EYA4: variants seen among roughly 807,000 people sequenced by gnomAD.
EYA4 encodes the protein EYA transcriptional coactivator and phosphatase 4, also known as protein phosphatase EYA4.
EYA4 carries 31 observed loss-of-function variants against 87.9 expected under a neutral mutation model. That is an observed-to-expected ratio of 0.35 (90% CI 0.27 to 0.48). EYA4 has a LOEUF of 0.48. Among genes scored for constraint, EYA4 ranks in the 20% least tolerant of loss-of-function variants. The probability of loss-of-function intolerance (pLI) is 0.99; values close to 1 mark genes in which losing one functional copy is unlikely to be tolerated. For missense variants in EYA4, 678 were observed against 761.4 expected, an observed-to-expected ratio of 0.89 and a Z score of 1.29; for synonymous variants, 263 against 270.6, an observed-to-expected ratio of 0.97 and a Z score of 0.28.
Position 133,530,723 on chromosome 6 carries a change from C to G in EYA4, c.*1918C>G. The G allele has an allele frequency of 4.1e-6, 4 of 985,818 alleles. No individual in the cohort carries two copies. Among genetic ancestry groups the G allele is most frequent in the Non-Finnish European group, 4.8e-6 (4 of 829,846 alleles). The allele number at this position is 985,818 out of a possible 1,614,324, so 61.1% of individuals were successfully genotyped here. On this transcript the variant is annotated 3_prime_UTR_variant, in exon 20 of 20. Coordinates refer to ENST00000355286, the MANE Select transcript of EYA4 (RefSeq NM_004100.5). ...AAGATATTGAGATCCCAATTTTGTA[C>G]AAGATTGTGATTTCATTATCTAAAC...
At chr6:133,426,985 C>T (rs187064259) in intron 3 of EYA4, among the ~76,000 whole-genome samples, 59 of 152,240 alleles carry the variant, frequency 3.9e-4, no homozygotes, top group Admixed American at 7.2e-4. Flanking sequence ...ATATTTTCCC[C>T]CCTACCCTAT....
chr6:133,244,590 A>G (rs1774253054), intron 1 of EYA4, among the ~76,000 whole-genome samples: 1 of 141,532 alleles, frequency 7.1e-6, no homozygotes, highest in Admixed American at 7.1e-5. Flanking sequence ...TCATTTTGCT[A>G]TAATTTATTT....
At chr6:133,497,407 G>T (rs1439781476) in intron 13 of EYA4, among the ~76,000 whole-genome samples, 1 of 152,006 alleles carries the variant, frequency 6.6e-6, no homozygotes, top group African/African-American at 2.4e-5. Flanking sequence ...TTCCTAATGG[G>T]TTATCACTTT....
At chr6:133,504,005 C>T (rs1798372173) in intron 13 of EYA4, among the ~76,000 whole-genome samples, 1 of 152,130 alleles carries the variant, frequency 6.6e-6, no homozygotes, top group Non-Finnish European at 1.5e-5. Context: ...GCAACCTCCA[C>T]CTCCAAGGTT....
chr6:133,260,379 A>G (rs980021556), intron 1 of EYA4, among the ~76,000 whole-genome samples: 1 of 152,126 alleles, frequency 6.6e-6, no homozygotes, highest in Non-Finnish European at 1.5e-5. Flanking sequence ...CTGGGATCAC[A>G]GGTGCCCACC....
At chr6:133,274,131 TTA>T (rs763635968) in intron 1 of EYA4, among the ~76,000 whole-genome samples, 4 of 152,218 alleles carry the variant, frequency 2.6e-5, no homozygotes, top group African/African-American at 4.8e-5. Flanking sequence ...AGTTAACCAG[TTA>T]TCTCACCATA....
chr6:133,371,172 T>G (rs991693092), intron 2 of EYA4, among the ~76,000 whole-genome samples: 1 of 152,224 alleles, frequency 6.6e-6, no homozygotes, highest in African/African-American at 2.4e-5. Context: ...GACTATTTTA[T>G]TCTTGTGAGA....
intron 2 of EYA4, among the ~76,000 whole-genome samples, chr6:133,347,338 G>A (rs924452389): frequency 3.3e-5 from 5 of 151,916 alleles, no homozygotes; most frequent in African/African-American, 1.2e-4. Flanking sequence ...AGGTTCTTGA[G>A]GAAGGGTAAT....
intron 2 of EYA4, among the ~76,000 whole-genome samples, chr6:133,335,260 A>G (rs1407128743): frequency 6.6e-6 from 1 of 152,212 alleles, no homozygotes; most frequent in African/African-American, 2.4e-5. Flanking sequence ...TTTTTGGCTA[A>G]TTACAGAAGG....
intron 2 of EYA4, among the ~76,000 whole-genome samples, chr6:133,340,326 G>A (rs62428724): frequency 0.12 from 17,621 of 152,158 alleles, 1,273 homozygotes; most frequent in Non-Finnish European, 0.16. Flanking sequence ...CCCTCTGAAT[G>A]CAAGAATGGT....
intron 3 of EYA4, among the ~76,000 whole-genome samples, chr6:133,419,016 A>G (rs994183190): frequency 5.9e-5 from 9 of 152,180 alleles, no homozygotes; most frequent in African/African-American, 2.2e-4. Context: ...CATAGGACAT[A>G]GGGTGGCCTT....
chr6:133,501,843 G>A (rs1172565305), intron 13 of EYA4, among the ~76,000 whole-genome samples: 2 of 152,180 alleles, frequency 1.3e-5, no homozygotes, highest in African/African-American at 2.4e-5. Flanking sequence ...AATTCCAGCT[G>A]ATGGCCCAAT....
Position 133,391,222 on chromosome 6 carries a change from G to GTTTTTTTTTTTTTTTTTTTTTTT in EYA4, c.83+8797_83+8798insTTTTTTTTTTTTTTTTTTTTTTT, listed in dbSNP as rs531819011. Among the ~76,000 whole-genome samples the GTTTTTTTTTTTTTTTTTTTTTTT allele has an allele frequency of 3.6e-4, 32 of 89,816 alleles. 1 individual carries two copies. The highest frequency in any genetic ancestry group is 1.0e-3 in the African/African-American group (31 of 30,204). The allele number at this position is 89,816 out of a possible 152,430, so 58.9% of individuals were successfully genotyped here. The stretch of plus-strand genomic sequence containing the variant: ...CTATTATTTTTTGGGTTTTGTTTTT[G>GTTTTTTTTTTTTTTTTTTTTTTT]TTTTTTTTTTTTTTTTGAGATGGAG... On this transcript the variant is annotated intron_variant, in intron 3 of 19. Transcript: ENST00000355286.
intron 3 of EYA4, among the ~76,000 whole-genome samples, chr6:133,413,605 G>C (rs947000438): frequency 6.6e-6 from 1 of 151,538 alleles, no homozygotes; most frequent in African/African-American, 2.4e-5. Flanking sequence ...CCTCTTTTAT[G>C]CTTATCCCTT....
intron 3 of EYA4, among the ~76,000 whole-genome samples, chr6:133,417,295 T>A (rs1789797687): frequency 6.6e-6 from 1 of 152,136 alleles, no homozygotes; most frequent in Non-Finnish European, 1.5e-5. Context: ...TGGTTCTCTT[T>A]GCACTCTGTG....
At chr6:133,356,227 C>T (rs553245581) in intron 2 of EYA4, among the ~76,000 whole-genome samples, 108 of 152,242 alleles carry the variant, frequency 7.1e-4, no homozygotes, top group South Asian at 3.3e-3. Flanking sequence ...GAAGTTAGGG[C>T]TTCAACATGT....
intron 13 of EYA4, among the ~76,000 whole-genome samples, chr6:133,487,951 C>A (rs544696619): frequency 3.4e-4 from 51 of 152,232 alleles, no homozygotes; most frequent in African/African-American, 1.2e-3. Flanking sequence ...GATTCCAGGC[C>A]ATGGCTCTTG....
chr6:133,284,195 G>T (rs866498089), intron 2 of EYA4, among the ~76,000 whole-genome samples: 1 of 152,062 alleles, frequency 6.6e-6, no homozygotes, highest in South Asian at 2.1e-4. Context: ...TTATTCCACC[G>T]TGATTACAGA....
chr6:133,363,040 C>A (rs1267314572), intron 2 of EYA4: 3 of 152,240 alleles, frequency 2.0e-5, no homozygotes, highest in African/African-American at 7.2e-5. Flanking sequence ...TATCATCCTG[C>A]CCAGTCCGAT....
Sources: allele counts gnomAD v4.1 joint callset (sites outside exome capture counted in the v4.1 genomes callset), GRCh38; gene constraint gnomAD v4.1.1; transcripts MANE v1.5; gene names NCBI Gene and HGNC (gene_info 2026-07-23, HGNC 2026-07-21).